The following PPP2R3A variants were observed in gnomAD, a reference collection of about 807,000 sequenced individuals.
PPP2R3A encodes the protein serine/threonine-protein phosphatase 2A regulatory subunit B'' subunit alpha.
PPP2R3A carries 80 observed loss-of-function variants against 106.9 expected under a neutral mutation model. The observed-to-expected ratio is 0.75, with a 90% confidence interval of 0.62 to 0.90. The LOEUF is 0.90. Among genes scored for constraint, PPP2R3A ranks in the 40% least tolerant of loss-of-function variants. The pLI, the probability that PPP2R3A is intolerant of heterozygous loss-of-function variation, is 0.00. For synonymous variants in PPP2R3A, 483 were observed against 468.3 expected (o/e 1.03, Z -0.41); for missense variants, 1,386 against 1,350.4 (o/e 1.03, Z -0.41).
chr3:135,968,438 G>A (rs1240371057), intron 1 of PPP2R3A, among the ~76,000 whole-genome samples: 1 of 152,160 alleles, frequency 6.6e-6, no homozygotes, highest in Admixed American at 6.5e-5. Flanking sequence ...AAGCTCACGG[G>A]AACAATATTC....
rs576918100 is a variant in PPP2R3A at position 136,039,475 on chromosome 3, G to A, written c.2263-1384G>A. Reference sequence around the variant, plus strand: ...GAAGACAGTTTTTCCATGGATGGGGGTAGAGTGGGGGTAGTTTCAGGATGA... The same window carrying A: ...GAAGACAGTTTTTCCATGGATGGGGATAGAGTGGGGGTAGTTTCAGGATGA... On this transcript the variant is annotated intron_variant, in intron 3 of 13. Transcript: ENST00000264977. Among the ~76,000 whole-genome samples the A allele has an allele frequency of 2.0e-5, 3 of 152,240 alleles. No individual in the cohort carries two copies. The South Asian group carries it at 6.2e-4, about 32-fold the overall frequency.
chr3:136,138,612 C>A lies in PPP2R3A; in HGVS notation c.3330-6431C>A, dbSNP rs80337596. ...ATTTTATATAAGTGGCTTAGGATAT[C>A]TATTTTTAACTTAAAAGTATAAAGA... On this transcript the variant is annotated intron_variant, in intron 13 of 13. Coordinates refer to ENST00000264977, the MANE Select transcript of PPP2R3A (RefSeq NM_002718.5). Among the ~76,000 whole-genome samples the A allele has an allele frequency of 4.3e-3, 601 of 139,574 alleles. 5 individuals are homozygous for A. The highest frequency in any genetic ancestry group is 0.013 in the African/African-American group (485 of 37,356). 91.6% of individuals were successfully genotyped at this position (139,574 alleles called of 152,430 possible).
intron 2 of PPP2R3A, among the ~76,000 whole-genome samples, chr3:136,025,826 C>T (rs1392613708): frequency 2.6e-5 from 4 of 152,068 alleles, no homozygotes; most frequent in Admixed American, 2.0e-4. Flanking sequence ...GTACCATGCT[C>T]ATGAGCCTTG....
chr3:136,095,289 T>G (rs1937190607), intron 10 of PPP2R3A, among the ~76,000 whole-genome samples: 2 of 152,178 alleles, frequency 1.3e-5, no homozygotes, highest in Admixed American at 1.3e-4. Flanking sequence ...CCAACAAAGG[T>G]TTTTTGAGTC....
chr3:135,979,746 A>G (rs1344037358), intron 1 of PPP2R3A, among the ~76,000 whole-genome samples: 1 of 151,876 alleles, frequency 6.6e-6, no homozygotes, highest in Non-Finnish European at 1.5e-5. Context: ...GTAAGTATCC[A>G]TTACATATGA....
intron 7 of PPP2R3A, among the ~76,000 whole-genome samples, chr3:136,078,662 C>CAT (rs1553752758): frequency 6.6e-6 from 1 of 152,304 alleles, no homozygotes; most frequent in African/African-American, 2.4e-5. Flanking sequence ...TGCCTGAAGG[C>CAT]ATGCACTCTG....
At position 136,113,939 on chromosome 3, in the gene PPP2R3A, G is replaced by A. The variant is rs183798960; in HGVS notation, c.3329+7617G>A. On this transcript the variant is annotated intron_variant, in intron 13 of 13. Transcript: ENST00000264977. ...CTGCAACAAAAACAAAAGTAGACAA[G>A]TGGGGCCTAATTAAAGAGCTTCTGG... 3.5e-4 allele frequency among the ~76,000 whole-genome samples: 53 copies of A among 152,306 alleles called. No homozygotes were observed. In the East Asian group the frequency reaches 9.6e-3, roughly 28 times the overall value.
In PPP2R3A at chr3:136,138,695, ATTTTTTTTTTTTTTTTT is replaced by A. The variant is rs747811648; in HGVS notation, c.3330-6329_3330-6313del. Among the ~76,000 whole-genome samples the A allele has an allele frequency of 3.8e-4, 19 of 50,640 alleles. 1 individual carries two copies. In the South Asian group the frequency reaches 4.5e-3, roughly 12 times the overall value. 33.2% of individuals were successfully genotyped at this position (50,640 alleles called of 152,430 possible). A position where few individuals can be genotyped will look rare whatever the true frequency, so the allele number is the denominator to read the frequency against. ...AGACTCCAAACTAGAGAAATATTGA[ATTTTTTTTTTTTTTTTT>A]TTTTTTTTTTTTTTTTTTGAGACAG... On this transcript the variant is annotated intron_variant, in intron 13 of 13. Coordinates refer to ENST00000264977, the MANE Select transcript of PPP2R3A (RefSeq NM_002718.5).
intron 1 of PPP2R3A, among the ~76,000 whole-genome samples, chr3:135,982,462 G>A (rs932372799): frequency 1.3e-5 from 2 of 152,110 alleles, no homozygotes; most frequent in Non-Finnish European, 2.9e-5. Flanking sequence ...GCTGAATGGC[G>A]GTCAAAGGTT....
At chr3:136,048,698 T>C (rs891653674) in intron 4 of PPP2R3A, among the ~76,000 whole-genome samples, 2 of 151,476 alleles carry the variant, frequency 1.3e-5, no homozygotes, top group Non-Finnish European at 2.9e-5. Context: ...GCTGGGACTT[T>C]AGCCTACTTG....
chr3:136,005,025 C>G (rs568493991), intron 2 of PPP2R3A, among the ~76,000 whole-genome samples: 1 of 152,168 alleles, frequency 6.6e-6, no homozygotes, highest in Non-Finnish European at 1.5e-5. Context: ...TCTTTCTTTC[C>G]CTGGTACATG....
intron 2 of PPP2R3A, among the ~76,000 whole-genome samples, chr3:136,011,133 T>C (rs1448114763): frequency 6.6e-6 from 1 of 152,168 alleles, no homozygotes; most frequent in Admixed American, 6.5e-5. Flanking sequence ...CATCCGTCTT[T>C]GTAAAAATAT....
intron 1 of PPP2R3A, among the ~76,000 whole-genome samples, chr3:135,987,689 C>CA (rs1932976226): frequency 6.6e-6 from 1 of 152,058 alleles, no homozygotes; most frequent in Admixed American, 6.6e-5. Context: ...CCCTCTCTGG[C>CA]CATTTTTTGT....
Position 136,146,024 on chromosome 3 carries a change from A to G in PPP2R3A, c.*858A>G, listed in dbSNP as rs114678989. 316 of 152,346 alleles carry G rather than the reference A, an allele frequency of 2.1e-3. 2 individuals are homozygous for G. Among genetic ancestry groups the G allele is most frequent in the African/African-American group, 7.5e-3 (311 of 41,578 alleles). 9.4% of individuals were successfully genotyped at this position (152,346 alleles called of 1,614,324 possible). On this transcript the variant is annotated 3_prime_UTR_variant, in exon 14 of 14. Transcript: ENST00000264977. ...TGAAGACATAAAGGAATAATGATAC[A>G]TTAAAATTCTTACTAGATAGATATA...
chr3:136,103,627 TAC>T (rs541174875), intron 12 of PPP2R3A, among the ~76,000 whole-genome samples: 2 of 152,230 alleles, frequency 1.3e-5, no homozygotes, highest in South Asian at 4.1e-4. Context: ...CATCTACTGA[TAC>T]ACACACTGGA....
chr3:136,027,642 TC>T (rs1374158095), intron 3 of PPP2R3A, among the ~76,000 whole-genome samples: 1 of 152,204 alleles, frequency 6.6e-6, no homozygotes, highest in Non-Finnish European at 1.5e-5. Context: ...TCCAGCCTCC[TC>T]CCAGAACAGT....
At chr3:135,998,116 C>A (rs905080944) in intron 1 of PPP2R3A, among the ~76,000 whole-genome samples, 1 of 152,342 alleles carries the variant, frequency 6.6e-6, no homozygotes, top group African/African-American at 2.4e-5. Context: ...TGTCTCTATA[C>A]GCCCGCCAGT....
chr3:136,088,342 A>G (rs1011455329), intron 9 of PPP2R3A, among the ~76,000 whole-genome samples: 1 of 152,226 alleles, frequency 6.6e-6, no homozygotes, highest in African/African-American at 2.4e-5. Flanking sequence ...AAGTGAGAAC[A>G]TACGGTATTT....
At chr3:135,995,248 T>C (rs1933338616) in intron 1 of PPP2R3A, among the ~76,000 whole-genome samples, 1 of 152,124 alleles carries the variant, frequency 6.6e-6, no homozygotes, top group African/African-American at 2.4e-5. Context: ...TTGCAAGTAG[T>C]CTGTTGTATT....
Sources: gnomAD v4.1 joint callset for allele counts (sites outside exome capture counted in the v4.1 genomes callset) on GRCh38, gnomAD v4.1.1 for gene constraint, MANE v1.5 for transcripts, NCBI Gene and HGNC (gene_info 2026-07-23, HGNC 2026-07-21) for gene names.